The following POLE variants were observed in gnomAD, a reference collection of about 807,000 sequenced individuals.
The protein encoded by POLE is DNA polymerase epsilon, catalytic subunit, also known as DNA polymerase epsilon catalytic subunit A.
A neutral mutation model predicts 279.2 loss-of-function variants in POLE; 188 were observed. The ratio of observed to expected loss-of-function variants is 0.67; its 90% CI spans 0.60 to 0.76. The LOEUF (loss-of-function observed/expected upper bound fraction) is 0.76. Ranked by LOEUF, POLE falls within the 30% of genes least tolerant of loss-of-function variation. The probability of loss-of-function intolerance (pLI) is 0.00; values close to 1 mark genes in which losing one functional copy is unlikely to be tolerated. For synonymous variants in POLE, 1,214 were observed against 1,172.5 expected, an observed-to-expected ratio of 1.04 and a Z score of -0.72; for missense variants, 2,703 against 3,016.7, an observed-to-expected ratio of 0.90 and a Z score of 2.44.
At position 132,643,946 on chromosome 12, in the gene POLE, A is replaced by C. The variant is rs2138561597; in HGVS notation, c.4181T>G (p.Val1394Gly). 1 of 1,613,848 alleles carries C rather than the reference A, an allele frequency of 6.2e-7. No homozygotes were observed. Among genetic ancestry groups the C allele is most frequent in the East Asian group, 2.2e-5 (1 of 44,870 alleles). Residue 1394 changes from valine (V) to glycine (G), a missense_variant, in exon 33 of 49, where the codon GTC becomes GGC. Transcript: ENST00000320574. ...CACTGAATACTCATAGAGATTGTAG[A>C]CCATGTTGGAGCGAGGAAGGACCCG... Reference protein sequence around the residue: ...VNRVLPRSNMVYNLYEYSVPE... With the variant: ...VNRVLPRSNMGYNLYEYSVPE...
intron 40 of POLE, 42 bp from the exon 41 acceptor site, chr12:132,638,181 C>T (rs755908539): frequency 1.3e-5 from 20 of 1,598,416 alleles, no homozygotes; most frequent in East Asian, 2.2e-5. Context: ...ACGCCACAGT[C>T]ATGGAGAGCC....
intron 9 of POLE, 29 bp downstream of exon 9, chr12:132,676,517 A>T: frequency 7.2e-7 from 1 of 1,385,038 alleles, no homozygotes. Context: ...CCATCCCAGG[A>T]GCTTACTTCC....
chr12:132,643,931 T>C lies in POLE; in HGVS notation c.4196A>G (p.Glu1399Gly), dbSNP rs2042215971. 6.2e-7 allele frequency: 1 copy of C among 1,613,990 alleles called. No individual in the cohort carries two copies. The highest frequency in any genetic ancestry group is 1.3e-5 in the African/African-American group (1 of 74,914). The change falls in exon 33 of 49, where the codon GAG becomes GGG. Residue 1399 changes from glutamate (E) to glycine (G), a missense_variant. Glu to Gly is a moderately conservative substitution (Grantham distance 98, BLOSUM62 -2). Transcript: ENST00000320574. ...PRSNMVYNLY[E>G]YSVPEDMYQE... ...GTACATGTCCTCTGGCACTGAATAC[T>C]CATAGAGATTGTAGACCATGTTGGA...
In POLE at chr12:132,681,352, C is replaced by CT. The variant is rs375211474; in HGVS notation, c.63-74dup. On this transcript the variant is annotated intron_variant, in intron 1 of 48. Coordinates refer to ENST00000320574, the MANE Select transcript of POLE (RefSeq NM_006231.4). ...TGCTGCTTCTTTTTTTCTTTTTTTT[C>CT]TTTTTTTTTGAGACGGAGTCTTGCT... 6,458 of 1,437,846 alleles carry CT rather than the reference C, an allele frequency of 4.5e-3. 165 individuals carry two copies. The African/African-American group carries it at 0.072, about 16-fold the overall frequency. 89.1% of individuals were successfully genotyped at this position (1,437,846 alleles called of 1,614,324 possible).
rs2138597092 is a variant in POLE, at chr12:132,648,968, C to T, written c.4110G>A (p.Gln1370=). ...LSIPRVFYVN[Q]RVAKAEEGAS... is the part of the protein sequence containing the mutation. Reference sequence around the variant, plus strand: ...CACCCTCCTCCGCTTTAGCGACTCGCTGGTTCACGTAGAACACACGGGGGA... The same window carrying T: ...CACCCTCCTCCGCTTTAGCGACTCGTTGGTTCACGTAGAACACACGGGGGA... Residue 1370 remains glutamine, a synonymous_variant, in exon 32 of 49, where the codon CAG becomes CAA. Transcript: ENST00000320574. 2 of 1,614,032 alleles carry T rather than the reference C, an allele frequency of 1.2e-6. No homozygotes were observed. Among genetic ancestry groups the T allele is most frequent in the South Asian group, 1.1e-5 (1 of 91,084 alleles).
chr12:132,625,492 A>G, intron 47 of POLE, 153 bp downstream of exon 47: 1 of 978,062 alleles, frequency 1.0e-6, no homozygotes, highest in Non-Finnish European at 1.6e-6. Flanking sequence ...AGAACAGTCC[A>G]TCAGGCTCAG....
intron 6 of POLE, 67 bp downstream of exon 6, chr12:132,679,430 G>C: frequency 6.7e-7 from 1 of 1,486,448 alleles, no homozygotes; most frequent in South Asian, 1.3e-5. Context: ...GTTGCTACGT[G>C]TTCCTGTCTC....
At position 132,661,717 on chromosome 12, in the gene POLE, A is replaced by C. The variant is rs748207134; in HGVS notation, c.2707-33T>G. ...ACAAGAGTGAAGAGGGGGCAGCTTC[A>C]CTCATGATGGCCCAAACCTGGAAAC... On this transcript the variant is annotated intron_variant, in intron 23 of 48. Transcript: ENST00000320574. The surrounding 1 kb of genome is among the most constrained non-coding windows in gnomAD (Gnocchi z 4.1). 1.2e-6 allele frequency: 2 copies of C among 1,609,012 alleles called. No homozygotes were observed. The highest frequency in any genetic ancestry group is 4.5e-5 in the East Asian group (2 of 44,814).
intron 45 of POLE, among the ~76,000 whole-genome samples, chr12:132,628,466 A>C (rs2041877367): frequency 1.3e-5 from 2 of 152,184 alleles, no homozygotes; most frequent in Non-Finnish European, 2.9e-5. Flanking sequence ...AATATGGTGA[A>C]ACTCTGTCTC....
At position 132,656,642 on chromosome 12, in the gene POLE, G is replaced by C. The variant is rs144378048; in HGVS notation, c.3582+494C>G. Among the ~76,000 whole-genome samples, 278 of 152,338 alleles carry C rather than the reference G, an allele frequency of 1.8e-3. 2 individuals are homozygous for C. The highest frequency in any genetic ancestry group is 6.4e-3 in the African/African-American group (268 of 41,580). On this transcript the variant is annotated intron_variant, in intron 29 of 48. Coordinates refer to ENST00000320574, the MANE Select transcript of POLE (RefSeq NM_006231.4). ...CAAAGTGCTGGGATTACAGGTGTGAGCCACCGCACCTGGTCAAAGAACCTT... is the reference window on the plus strand; with the variant it reads ...CAAAGTGCTGGGATTACAGGTGTGACCCACCGCACCTGGTCAAAGAACCTT...
intron 29 of POLE, among the ~76,000 whole-genome samples, chr12:132,653,491 T>C (rs2042467421): frequency 6.6e-6 from 1 of 152,234 alleles, no homozygotes; most frequent in Non-Finnish European, 1.5e-5. Flanking sequence ...CAAAAAATAT[T>C]TTGTTTCTAG....
chr12:132,639,209 C>G lies in POLE; in HGVS notation c.5468G>C (p.Arg1823Pro), dbSNP rs767747669. The part of the protein sequence containing the change: ...YADNQVMHFY[R>P]WLRSPSSLLH... The stretch of plus-strand genomic sequence containing the variant: ...CAGAGAGGATGGCGACCGAAGCCAG[C>G]GGTAGAAGTGCATCACCTGGTTGTC... The change falls in exon 40 of 49, where the codon CGC becomes CCC. Residue 1823 changes from arginine to proline, a missense_variant. Transcript: ENST00000320574. This position sits in a 1 kb window ranked among gnomAD's most constrained non-coding sequence, Gnocchi z 4.7. The G allele has an allele frequency of 1.2e-6, 2 of 1,613,790 alleles. No homozygotes were observed. The highest frequency in any genetic ancestry group is 2.7e-5 in the African/African-American group (2 of 74,870).
At chr12:132,647,847 G>A (rs940463406) in intron 32 of POLE, among the ~76,000 whole-genome samples, 1 of 152,002 alleles carries the variant, frequency 6.6e-6, no homozygotes, top group African/African-American at 2.4e-5. Flanking sequence ...CTTGTTATCC[G>A]CCCACCTCGG....
intron 32 of POLE, 50 bp downstream of exon 32, chr12:132,648,879 C>T (rs1184863764): frequency 6.4e-7 from 1 of 1,567,224 alleles, no homozygotes. Flanking sequence ...ATGGGAAAGC[C>T]ACCTCAGGCT....
At chr12:132,677,178 A>G (rs185957330) in intron 8 of POLE, among the ~76,000 whole-genome samples, 185 bp downstream of exon 8, 2 of 152,208 alleles carry the variant, frequency 1.3e-5, no homozygotes, top group Non-Finnish European at 2.9e-5. Context: ...AGTGATATAC[A>G]ACAAAAAAGG....
chr12:132,625,131 C>G (rs144738076), intron 47 of POLE, 137 bp from the exon 48 acceptor site: 5 of 704,320 alleles, frequency 7.1e-6, no homozygotes, highest in Non-Finnish European at 1.3e-5. Context: ...AGCCAGCCCT[C>G]GGTTATGAGT....
chr12:132,681,041 G>T, intron 2 of POLE, 97 bp downstream of exon 2: 1 of 1,415,220 alleles, frequency 7.1e-7, no homozygotes, highest in South Asian at 1.3e-5. Context: ...TTCACTCAAA[G>T]TTCCCTCATG....
rs144435025 is a variant in POLE at position 132,680,402 on chromosome 12, C to T, written c.286-180G>A. On this transcript the variant is annotated intron_variant, in intron 3 of 48. Coordinates refer to ENST00000320574, the MANE Select transcript of POLE (RefSeq NM_006231.4). ...CACAGGGGCAAGAATCTGAAAGACA[C>T]GCTACTTCTCACCATTCAGAGTCTT... 907 of 671,910 alleles carry T rather than the reference C, an allele frequency of 1.3e-3. 8 individuals are homozygous for T. Among genetic ancestry groups the T allele is most frequent in the Non-Finnish European group, 1.1e-3 (402 of 378,768 alleles). 41.6% of individuals were successfully genotyped at this position (671,910 alleles called of 1,614,324 possible).
intron 16 of POLE, among the ~76,000 whole-genome samples, chr12:132,671,678 G>GAA (rs59237637): frequency 3.0e-3 from 216 of 72,480 alleles, no homozygotes; most frequent in African/African-American, 7.0e-3. Flanking sequence ...CTCAAAAAGG[G>GAA]AAAAAAAAAA....
Sources: gnomAD v4.1 joint callset for allele counts (sites outside exome capture counted in the v4.1 genomes callset) on GRCh38, gnomAD v4.1.1 for gene constraint, Gnocchi (gnomAD v3.1) non-coding constraint, MANE v1.5 for transcripts, NCBI Gene and HGNC (gene_info 2026-07-23, HGNC 2026-07-21) for gene names.